TCF12: variants seen among roughly 807,000 people sequenced by gnomAD.
The protein encoded by TCF12 is transcription factor 12.
A neutral mutation model predicts 86.0 loss-of-function variants in TCF12; 45 were observed. That is an observed-to-expected ratio of 0.52 (90% confidence interval 0.41 to 0.67). The LOEUF is 0.67. Among genes scored for constraint, TCF12 ranks in the 30% least tolerant of loss-of-function variants. TCF12 has a pLI of 0.00. For synonymous variants in TCF12, 330 were observed against 299.6 expected, an observed-to-expected ratio of 1.10 and a Z score of -1.05; for missense variants, 881 against 859.9, an observed-to-expected ratio of 1.02 and a Z score of -0.31.
chr15:57,211,738 G>A lies in TCF12; in HGVS notation c.579+13913G>A, dbSNP rs187849662. ...GGAAGTCGAGGCTGGCAGATCGCTT[G>A]AGGCCAGGAGTTCAAGACCAGCCTG... On this transcript the variant is annotated intron_variant, in intron 8 of 20. Transcript: ENST00000333725. 7.9e-5 allele frequency among the ~76,000 whole-genome samples: 12 copies of A among 152,332 alleles called. No homozygotes were observed. In the East Asian group the frequency reaches 2.3e-3, roughly 29 times the overall value.
chr15:56,952,852 T>A (rs1169803897), intron 3 of TCF12, among the ~76,000 whole-genome samples: 1 of 152,178 alleles, frequency 6.6e-6, no homozygotes, highest in Non-Finnish European at 1.5e-5. Context: ...TGGATGCCTT[T>A]TTTAAATTGC....
intron 3 of TCF12, among the ~76,000 whole-genome samples, chr15:57,002,705 A>G (rs1331764773): frequency 6.6e-6 from 1 of 152,258 alleles, no homozygotes; most frequent in East Asian, 1.9e-4. Context: ...ACGAACTGTC[A>G]ATCGAAACGG....
intron 7 of TCF12, among the ~76,000 whole-genome samples, chr15:57,197,400 C>T (rs555991071): frequency 1.3e-5 from 2 of 152,110 alleles, no homozygotes; most frequent in South Asian, 2.1e-4. Flanking sequence ...TCAGGTGATC[C>T]GCCCACCTTG....
chr15:57,028,945 G>A (rs2065982258), intron 3 of TCF12, among the ~76,000 whole-genome samples: 1 of 151,892 alleles, frequency 6.6e-6, no homozygotes, highest in Non-Finnish European at 1.5e-5. Flanking sequence ...TTACAGGTGT[G>A]CGCCACCATG....
intron 6 of TCF12, among the ~76,000 whole-genome samples, chr15:57,187,185 A>G (rs1044476677): frequency 5.9e-5 from 9 of 152,102 alleles, no homozygotes; most frequent in Admixed American, 1.3e-4. Flanking sequence ...CAAAAAAAAA[A>G]AAAAGATTCT....
In TCF12 at chr15:57,088,380, A is replaced by G. The variant is rs80263165; in HGVS notation, c.223-3409A>G. ...CAGAAGAAGTTTAAACTCCTAGTCA[A>G]CTAACCTATTTCTTTCATTGGGGCT... On this transcript the variant is annotated intron_variant, in intron 4 of 20. Transcript: ENST00000333725. 2.4e-4 allele frequency among the ~76,000 whole-genome samples: 37 copies of G among 152,318 alleles called. No individual in the cohort carries two copies. The East Asian group carries it at 6.2e-3, about 25-fold the overall frequency.
At chr15:57,062,974 T>G (rs1490390679) in intron 3 of TCF12, among the ~76,000 whole-genome samples, 1 of 152,190 alleles carries the variant, frequency 6.6e-6, no homozygotes, top group Non-Finnish European at 1.5e-5. Context: ...TCTCCAAGTC[T>G]TCCAGCTTTT....
At chr15:57,138,129 A>G (rs1189092263) in intron 5 of TCF12, among the ~76,000 whole-genome samples, 1 of 152,218 alleles carries the variant, frequency 6.6e-6, no homozygotes, top group African/African-American at 2.4e-5. Flanking sequence ...TAGAGAACAA[A>G]GACAGGCAAA....
intron 3 of TCF12, among the ~76,000 whole-genome samples, chr15:57,023,898 A>AT (rs2065652576): frequency 6.6e-6 from 1 of 152,126 alleles, no homozygotes; most frequent in African/African-American, 2.4e-5. Flanking sequence ...CAGGCATTAG[A>AT]TTCTCATAAG....
chr15:57,012,180 A>G (rs2064872761), intron 3 of TCF12, among the ~76,000 whole-genome samples: 1 of 152,206 alleles, frequency 6.6e-6, no homozygotes, highest in African/African-American at 2.4e-5. Context: ...AAATATAAAA[A>G]CCACATAAAA....
rs111326494 is a variant in TCF12, at chr15:57,117,792, A to T, written c.325+25901A>T. 1.4e-4 allele frequency among the ~76,000 whole-genome samples: 22 copies of T among 152,316 alleles called. 4 individuals carry two copies. The highest frequency in any genetic ancestry group is 5.3e-4 in the African/African-American group (22 of 41,566). On this transcript the variant is annotated intron_variant, in intron 5 of 20. Coordinates refer to ENST00000333725, the MANE Select transcript of TCF12 (RefSeq NM_207037.2). ...AGAATCATGCCATTATTAATATGAAACTATTATTAAAATACTTGTATAATT... is the reference window on the plus strand; with the variant it reads ...AGAATCATGCCATTATTAATATGAATCTATTATTAAAATACTTGTATAATT...
intron 3 of TCF12, among the ~76,000 whole-genome samples, chr15:57,062,870 G>A (rs1596346442): frequency 6.6e-6 from 1 of 152,196 alleles, no homozygotes; most frequent in Admixed American, 6.5e-5. Flanking sequence ...ATGAAACTCA[G>A]AAGGGGTTAG....
intron 3 of TCF12, among the ~76,000 whole-genome samples, chr15:56,937,395 C>T (rs574863765): frequency 2.0e-5 from 3 of 150,398 alleles, no homozygotes; most frequent in African/African-American, 7.4e-5. Context: ...GTCATTCTGT[C>T]TCCTCGGTTG....
At chr15:57,022,768 C>T (rs534021788) in intron 3 of TCF12, among the ~76,000 whole-genome samples, 4 of 152,218 alleles carry the variant, frequency 2.6e-5, no homozygotes, top group East Asian at 1.9e-4. Flanking sequence ...TTCTAATTGG[C>T]GTGAGATGGT....
At chr15:56,958,593 G>A (rs548376174) in intron 3 of TCF12, among the ~76,000 whole-genome samples, 63 of 151,948 alleles carry the variant, frequency 4.1e-4, no homozygotes, top group Admixed American at 3.7e-3. Context: ...AACTTTACCC[G>A]TCACTGCAGA....
intron 6 of TCF12, among the ~76,000 whole-genome samples, chr15:57,187,105 G>A (rs2056713245): frequency 6.6e-6 from 1 of 151,900 alleles, no homozygotes; most frequent in Non-Finnish European, 1.5e-5. Context: ...GCTTGAACCT[G>A]GAGGTGGACG....
intron 13 of TCF12, chr15:57,247,713 T>C: frequency 2.7e-6 from 2 of 736,204 alleles, no homozygotes; most frequent in Non-Finnish European, 4.9e-6. Flanking sequence ...GAATCCTCTA[T>C]AGAAAGAGCT....
chr15:57,269,751 G>C (rs1233780025), intron 18 of TCF12, among the ~76,000 whole-genome samples: 1 of 152,144 alleles, frequency 6.6e-6, no homozygotes, highest in Non-Finnish European at 1.5e-5. Flanking sequence ...GGCAGGCCTA[G>C]TGGTGACGAA....
chr15:56,972,218 T>C (rs1433533169), intron 3 of TCF12, among the ~76,000 whole-genome samples: 14 of 152,242 alleles, frequency 9.2e-5, no homozygotes, highest in Admixed American at 6.5e-5. Flanking sequence ...AGTACAGCCC[T>C]TTTGGAAGGA....
Sources: allele counts gnomAD v4.1 joint callset (sites outside exome capture counted in the v4.1 genomes callset), GRCh38; gene constraint gnomAD v4.1.1; transcripts MANE v1.5; gene names NCBI Gene and HGNC (gene_info 2026-07-23, HGNC 2026-07-21).